PC: variants seen among roughly 807,000 people sequenced by gnomAD.
PC encodes the protein pyruvate carboxylase.
In PC, 46 loss-of-function variants were observed where a neutral mutation model predicts 107.8. The observed-to-expected ratio is 0.43, with a 90% CI of 0.34 to 0.55. PC has a LOEUF of 0.55. Among genes scored for constraint, PC ranks in the 20% least tolerant of loss-of-function variants. The probability of loss-of-function intolerance (pLI) is 0.04; values close to 1 mark genes in which losing one functional copy is unlikely to be tolerated. For synonymous variants in PC, 662 were observed against 684.7 expected (o/e 0.97, Z 0.52); for missense variants, 1,241 against 1,643.1 (o/e 0.76, Z 4.23).
At position 66,851,716 on chromosome 11, in the gene PC, G is replaced by C. The variant is rs568556593; in HGVS notation, c.1982+74C>G. 11 of 1,468,444 alleles carry C rather than the reference G, an allele frequency of 7.5e-6. No homozygotes were observed. The South Asian group carries it at 8.0e-5, about 11-fold the overall frequency. The allele number at this position is 1,468,444 out of a possible 1,614,324, so 91.0% of individuals were successfully genotyped here. A position where few individuals can be genotyped will look rare whatever the true frequency, so the allele number is the denominator to read the frequency against. On this transcript the variant is annotated intron_variant, in intron 16 of 22. Coordinates refer to ENST00000393960, the MANE Select transcript of PC (RefSeq NM_001040716.2). Reference sequence around the variant, plus strand: ...GGTGTCAGGCTGACCGTGGAGAACAGAGGCCATCACGACATGGCTCGGTAC... The same window carrying C: ...GGTGTCAGGCTGACCGTGGAGAACACAGGCCATCACGACATGGCTCGGTAC...
intron 12 of PC, chr11:66,860,250 C>T: frequency 1.3e-6 from 2 of 1,537,052 alleles, no homozygotes; most frequent in South Asian, 1.2e-5. Flanking sequence ...GGCAGAGGGC[C>T]CGGGGCCGCC....
chr11:66,930,976 T>C (rs1361412911), intron 3 of PC, among the ~76,000 whole-genome samples: 4 of 152,092 alleles, frequency 2.6e-5, no homozygotes, highest in Non-Finnish European at 5.9e-5. Flanking sequence ...ACTGTAGGAT[T>C]CCATGTCCAG....
chr11:66,951,084 G>C (rs1156811860), intron 3 of PC, among the ~76,000 whole-genome samples: 1 of 152,108 alleles, frequency 6.6e-6, no homozygotes, highest in African/African-American at 2.4e-5. Context: ...AGGACTGCGG[G>C]AAATCTCACA....
Position 66,849,053 on chromosome 11 carries a change from C to T in PC, c.3383G>A (p.Gly1128Glu). 1.2e-6 allele frequency: 2 copies of T among 1,614,100 alleles called. No homozygotes were observed. Among genetic ancestry groups the T allele is most frequent in the Non-Finnish European group, 8.5e-7 (1 of 1,180,046 alleles). ...GGGCTGGCCCTTGGCCACCTTGGCCCCTGCCACCACTTTGATGTCTATCAC... is the reference window on the plus strand; with the variant it reads ...GGGCTGGCCCTTGGCCACCTTGGCCTCTGCCACCACTTTGATGTCTATCAC... Reference protein sequence around the residue: ...GKVIDIKVVAGAKVAKGQPLC... With the variant: ...GKVIDIKVVAEAKVAKGQPLC... Residue 1128 changes from glycine to glutamate, a missense_variant, in exon 23 of 23, where the codon GGG (glycine) becomes GAG (glutamate). Gly to Glu is a moderately conservative substitution (Grantham distance 98, BLOSUM62 -2). Transcript: ENST00000393960.
intron 3 of PC, among the ~76,000 whole-genome samples, chr11:66,909,199 C>T (rs1948259532): frequency 6.6e-6 from 1 of 152,186 alleles, no homozygotes; most frequent in Non-Finnish European, 1.5e-5. Flanking sequence ...AGAGAGGTGC[C>T]ACCAACTCCC....
chr11:66,947,480 G>C (rs1392941497), intron 3 of PC, among the ~76,000 whole-genome samples: 1 of 151,870 alleles, frequency 6.6e-6, no homozygotes, highest in East Asian at 1.9e-4. Context: ...CCAGCTACTC[G>C]GGAGGTTGAG....
intron 1 of PC, 190 bp downstream of exon 1, chr11:66,958,132 C>T (rs1183988429): frequency 6.6e-6 from 1 of 151,714 alleles, no homozygotes; most frequent in Non-Finnish European, 1.5e-5. Flanking sequence ...GGGAGGGGCG[C>T]CGTCCGCTGC....
chr11:66,859,285 C>T (rs940336896), intron 12 of PC, among the ~76,000 whole-genome samples: 2 of 152,142 alleles, frequency 1.3e-5, no homozygotes, highest in East Asian at 1.9e-4. Context: ...GCTCAAGGGG[C>T]GGCAGAAGGA....
intron 3 of PC, among the ~76,000 whole-genome samples, chr11:66,907,157 G>A (rs947825905): frequency 2.0e-5 from 3 of 152,198 alleles, no homozygotes; most frequent in Admixed American, 6.5e-5. Context: ...TCCCTCAACT[G>A]TCACCATCAT....
rs1262103319 is a variant in PC at position 66,857,724 on chromosome 11, C to T, written c.1369-4341G>A. Reference sequence around the variant, plus strand: ...CCCCACCTGTGCCTGGGCTGTGGCCCCTTCCTACAGGGCGCTCACCATGGC... The same window carrying T: ...CCCCACCTGTGCCTGGGCTGTGGCCTCTTCCTACAGGGCGCTCACCATGGC... On this transcript the variant is annotated intron_variant, in intron 12 of 22. Transcript: ENST00000393960. This position sits in a 1 kb window ranked among gnomAD's most constrained non-coding sequence, Gnocchi z 7.1. 2.5e-6 allele frequency: 4 copies of T among 1,577,832 alleles called. No homozygotes were observed. The highest frequency in any genetic ancestry group is 2.3e-5 in the East Asian group (1 of 44,398).
chr11:66,948,832 C>T (rs1431306049), intron 3 of PC, among the ~76,000 whole-genome samples: 3 of 151,382 alleles, frequency 2.0e-5, no homozygotes, highest in South Asian at 2.1e-4. Flanking sequence ...AGAATCAGAC[C>T]GTCTCAAAAT....
At position 66,868,949 on chromosome 11, in the gene PC, C is replaced by T. The variant is rs1555025948; in HGVS notation, c.919G>A (p.Ala307Thr). The change falls in exon 10 of 23, where the codon GCA becomes ACA. Residue 307 changes from alanine to threonine, a missense_variant. By Grantham distance (58) the Ala-to-Thr change is moderately conservative (BLOSUM62 0). Around this residue, in one of 2 missense-constraint regions of PC, gnomAD observed 1,143 missense variants for 1,551.9 expected, o/e 0.74. Transcript: ENST00000393960. ...KLAKQVGYENAGTVEFLVDRH... is the reference protein window; with the variant it reads ...KLAKQVGYENTGTVEFLVDRH... ...TCCACCAGGAACTCCACGGTGCCTG[C>T]GTTCTCGTAGCCCACCTGTGGGGGC... The T allele has an allele frequency of 1.7e-5, 28 of 1,613,658 alleles. No homozygotes were observed. The highest frequency in any genetic ancestry group is 2.3e-5 in the Non-Finnish European group (27 of 1,179,908).
intron 3 of PC, among the ~76,000 whole-genome samples, chr11:66,892,073 G>C (rs11227619): frequency 0.02 from 3,017 of 152,216 alleles, 96 homozygotes; most frequent in East Asian, 0.084. Context: ...GCAGACGCTT[G>C]GGAGGATGTT....
At position 66,850,437 on chromosome 11, in the gene PC, T is replaced by C; in HGVS notation, c.2501A>G (p.Tyr834Cys). ...TEVPMERVFD[Y>C]SEYWEGARGL... is the part of the protein sequence containing the mutation. ...CCGAGCCCCCTCCCAGTACTCACTGTAGTCAAACACGCGCTCCATGGGCAC... is the reference window on the plus strand; with the variant it reads ...CCGAGCCCCCTCCCAGTACTCACTGCAGTCAAACACGCGCTCCATGGGCAC... Residue 834 changes from tyrosine (Y) to cysteine (C), a missense_variant, in exon 19 of 23, where the codon TAC becomes TGC. Transcript: ENST00000393960. The C allele has an allele frequency of 6.2e-7, 1 of 1,613,934 alleles. No individual in the cohort carries two copies. Among genetic ancestry groups the C allele is most frequent in the Non-Finnish European group, 8.5e-7 (1 of 1,180,010 alleles).
Position 66,849,081 on chromosome 11 carries a change from T to TC in PC, c.3354dup (p.Lys1119GlufsTer53). The TC allele has an allele frequency of 6.2e-7, 1 of 1,614,100 alleles. No homozygotes were observed. Among genetic ancestry groups the TC allele is most frequent in the African/African-American group, 1.3e-5 (1 of 75,042 alleles). ...GCCACCACTTTGATGTCTATCACCT[T>TC]CCCAGGCATGGGCGCCCCGATCTGG... On this transcript the variant is annotated frameshift_variant, in exon 23 of 23. Transcript: ENST00000393960. LOFTEE classifies it high-confidence loss of function.
At chr11:66,941,473 A>T (rs1312205619) in intron 3 of PC, among the ~76,000 whole-genome samples, 1 of 152,202 alleles carries the variant, frequency 6.6e-6, no homozygotes, top group Admixed American at 6.5e-5. Context: ...AGTAAAATCC[A>T]TACAACGGAA....
In PC at chr11:66,848,446, C is replaced by T. The variant is rs867887350; in HGVS notation, c.*453G>A. 1.9e-4 allele frequency: 98 copies of T among 527,546 alleles called. 1 individual carries two copies. The highest frequency in any genetic ancestry group is 4.8e-4 in the Middle Eastern group (1 of 2,096). The allele number at this position is 527,546 out of a possible 1,614,324, so 32.7% of individuals were successfully genotyped here. Reference sequence around the variant, plus strand: ...GAGGAGAACGACACAACTGACCTGCCCACCCATGGGGAGCTTGAAAGGCAG... The same window carrying T: ...GAGGAGAACGACACAACTGACCTGCTCACCCATGGGGAGCTTGAAAGGCAG... On this transcript the variant is annotated 3_prime_UTR_variant, in exon 23 of 23. Transcript: ENST00000393960.
intron 3 of PC, among the ~76,000 whole-genome samples, chr11:66,910,433 C>T (rs961721046): frequency 1.3e-5 from 2 of 152,200 alleles, no homozygotes; most frequent in Non-Finnish European, 2.9e-5. Context: ...ACATTGATGT[C>T]GTATGACTTC....
In PC at chr11:66,882,792, C is replaced by G. The variant is rs1239982169; in HGVS notation, c.1-10633G>C. 2.0e-5 allele frequency among the ~76,000 whole-genome samples: 3 copies of G among 152,310 alleles called. No homozygotes were observed. The East Asian group carries it at 5.8e-4, about 29-fold the overall frequency. ...TCTCCCCAGGCGGCTCTGCTCTAAA[C>G]ATGTCCGACGGGCCCCAGGGCTGGC... On this transcript the variant is annotated intron_variant, in intron 3 of 22. Transcript: ENST00000393960.
Sources: allele counts gnomAD v4.1 joint callset (sites outside exome capture counted in the v4.1 genomes callset), GRCh38; gene constraint gnomAD v4.1.1; regional missense constraint gnomAD v4.1.1; non-coding constraint Gnocchi (gnomAD v3.1); transcripts MANE v1.5; gene names NCBI Gene and HGNC (gene_info 2026-07-23, HGNC 2026-07-21).